Variants in ACACA observed in about 807,000 individuals in gnomAD.
ACACA encodes the protein acetyl-CoA carboxylase 1.
In ACACA, 103 loss-of-function variants were observed where a neutral mutation model predicts 296.1. That is an observed-to-expected ratio of 0.35 (90% CI 0.30 to 0.41). The LOEUF is 0.41. Ranked by LOEUF, ACACA falls within the 10% of genes least tolerant of loss-of-function variation. The probability of loss-of-function intolerance (pLI) is 1.00; values close to 1 mark genes in which losing one functional copy is unlikely to be tolerated. For synonymous variants in ACACA, 953 were observed against 1,038.6 expected, an observed-to-expected ratio of 0.92 and a Z score of 1.58; for missense variants, 1,554 against 2,989.7, an observed-to-expected ratio of 0.52 and a Z score of 11.20.
At chr17:37,242,175 G>A in intron 22 of ACACA, 122 bp from the exon 23 acceptor site, 10 of 774,958 alleles carry the variant, frequency 1.3e-5, no homozygotes, top group Middle Eastern at 4.6e-4. Flanking sequence ...TATCTCACAT[G>A]TTGGCAGCAG....
intron 37 of ACACA, 45 bp downstream of exon 37, chr17:37,192,045 G>A: frequency 6.4e-7 from 1 of 1,569,304 alleles, no homozygotes; most frequent in Non-Finnish European, 8.8e-7. Flanking sequence ...CTATTATTCT[G>A]TCCCTTCCCT....
chr17:37,371,025 C>G (rs544643414), intron 1 of ACACA, among the ~76,000 whole-genome samples: 2 of 151,824 alleles, frequency 1.3e-5, no homozygotes, highest in Non-Finnish European at 2.9e-5. Context: ...ATTTATATAA[C>G]ATTCAAAAGT....
intron 3 of ACACA, among the ~76,000 whole-genome samples, chr17:37,320,168 T>G (rs561006582): frequency 1.9e-4 from 29 of 152,040 alleles, no homozygotes; most frequent in African/African-American, 7.0e-4. Context: ...ATTTTCTAAC[T>G]TCTATCCCTT....
chr17:37,381,877 T>C (rs1042707547), intron 1 of ACACA, among the ~76,000 whole-genome samples: 1 of 152,142 alleles, frequency 6.6e-6, no homozygotes, highest in Admixed American at 6.6e-5. Flanking sequence ...TCTGCCCGCC[T>C]TGGCCTCCCA....
At chr17:37,285,109 A>G in intron 3 of ACACA, 139 bp from the exon 4 acceptor site, 1 of 971,512 alleles carries the variant, frequency 1.0e-6, no homozygotes. Context: ...TTTCAAATAA[A>G]AGAGAGAAAA....
At chr17:37,305,437 G>C (rs2083825174) in intron 3 of ACACA, among the ~76,000 whole-genome samples, 1 of 152,146 alleles carries the variant, frequency 6.6e-6, no homozygotes, top group Non-Finnish European at 1.5e-5. Flanking sequence ...CCAATGATTA[G>C]ATAGAGTTTA....
chr17:37,268,743 A>ATC (rs1260971683), intron 10 of ACACA, among the ~76,000 whole-genome samples: 13,356 of 101,290 alleles, frequency 0.13, 772 homozygotes, highest in East Asian at 0.38. Flanking sequence ...CTATCTATCT[A>ATC]TATATATATA....
At chr17:37,087,798 T>TAAAAG (rs2072316148) in intron 55 of ACACA, among the ~76,000 whole-genome samples, 1 of 151,996 alleles carries the variant, frequency 6.6e-6, no homozygotes, top group South Asian at 2.1e-4. Context: ...AATGTATATA[T>TAAAAG]AAAAGAATCG....
At chr17:37,252,836 C>T (rs1196421107) in intron 15 of ACACA, 50 bp downstream of exon 15, 32 of 1,606,838 alleles carry the variant, frequency 2.0e-5, no homozygotes, top group Non-Finnish European at 2.5e-5. Flanking sequence ...ATTGAGTACA[C>T]AAGTCTATAA....
chr17:37,124,237 C>A (rs1326275387), intron 48 of ACACA, among the ~76,000 whole-genome samples: 1 of 152,078 alleles, frequency 6.6e-6, no homozygotes, highest in Non-Finnish European at 1.5e-5. Flanking sequence ...AGTAAGAAGC[C>A]CAGAACTCGT....
At chr17:37,356,157 G>T (rs115130620) in intron 1 of ACACA, among the ~76,000 whole-genome samples, 1,709 of 152,102 alleles carry the variant, frequency 0.011, 34 homozygotes, top group African/African-American at 0.037. Context: ...AAAAGAGCGA[G>T]ACTCCGACTC....
chr17:37,195,173 TATG>T (rs1186050656), intron 35 of ACACA, among the ~76,000 whole-genome samples: 3 of 152,200 alleles, frequency 2.0e-5, no homozygotes, highest in Admixed American at 2.0e-4. Context: ...AAAGTGATAA[TATG>T]ATATTTTACG....
At chr17:37,356,038 C>T (rs7224009) in intron 1 of ACACA, among the ~76,000 whole-genome samples, 31,196 of 151,634 alleles carry the variant, frequency 0.21, 3,482 homozygotes, top group Admixed American at 0.34. Context: ...GGCATGGTGG[C>T]GCACACCTTG....
chr17:37,224,667 A>G (rs533604015), intron 27 of ACACA, among the ~76,000 whole-genome samples: 2 of 152,050 alleles, frequency 1.3e-5, no homozygotes, highest in South Asian at 4.1e-4. Context: ...ATATATATAT[A>G]TATCAGAAAT....
chr17:37,321,115 G>A (rs2047335455), intron 3 of ACACA, among the ~76,000 whole-genome samples: 1 of 151,900 alleles, frequency 6.6e-6, no homozygotes, highest in African/African-American at 2.4e-5. Context: ...TTTCTAATTA[G>A]CCACTGAGAA....
chr17:37,095,889 C>T (rs950036793), intron 54 of ACACA, among the ~76,000 whole-genome samples: 1 of 152,164 alleles, frequency 6.6e-6, no homozygotes, highest in African/African-American at 2.4e-5. Flanking sequence ...TGCTGGTGCC[C>T]TTGCTAGGTC....
chr17:37,223,451 G>C, intron 28 of ACACA, 61 bp downstream of exon 28: 2 of 1,373,824 alleles, frequency 1.5e-6, no homozygotes, highest in Admixed American at 3.4e-5. Flanking sequence ...CAGCCAAATA[G>C]ACAGAAGAAA....
chr17:37,321,421 A>G (rs1249445647), intron 3 of ACACA, among the ~76,000 whole-genome samples: 1 of 152,142 alleles, frequency 6.6e-6, no homozygotes, highest in Non-Finnish European at 1.5e-5. Context: ...TCAGGAGTTC[A>G]AGACCAGCCT....
At chr17:37,089,337 C>G (rs1013861264) in intron 54 of ACACA, among the ~76,000 whole-genome samples, 3 of 152,224 alleles carry the variant, frequency 2.0e-5, no homozygotes, top group African/African-American at 7.2e-5. Flanking sequence ...CATACCCTGA[C>G]TCTGTCCTGT....
Sources: allele counts gnomAD v4.1 joint callset (sites outside exome capture counted in the v4.1 genomes callset), GRCh38; gene constraint gnomAD v4.1.1; transcripts MANE v1.5; gene names NCBI Gene and HGNC (gene_info 2026-07-23, HGNC 2026-07-21).